AFAP1: variants seen among roughly 807,000 people sequenced by gnomAD.
AFAP1 encodes actin filament associated protein 1, also known as actin filament-associated protein 1.
AFAP1 carries 75 observed loss-of-function variants against 93.9 expected under a neutral mutation model. That is an observed-to-expected ratio of 0.80 (90% CI 0.66 to 0.97). The LOEUF (loss-of-function observed/expected upper bound fraction) is 0.97. AFAP1 is among the 50% of genes least tolerant of loss of function. The probability of loss-of-function intolerance (pLI) is 0.00; values close to 1 mark genes in which losing one functional copy is unlikely to be tolerated. For synonymous variants in AFAP1, 517 were observed against 430.7 expected (o/e 1.20, Z -2.48); for missense variants, 1,201 against 1,050.8 (o/e 1.14, Z -1.98).
chr4:7,807,444 T>C (rs1352663868), intron 9 of AFAP1, among the ~76,000 whole-genome samples: 1 of 152,198 alleles, frequency 6.6e-6, no homozygotes, highest in Non-Finnish European at 1.5e-5. Flanking sequence ...CTGTTTCCTC[T>C]GACAGCACTT....
intron 1 of AFAP1, among the ~76,000 whole-genome samples, chr4:7,881,117 C>T (rs1717816509): frequency 6.6e-6 from 1 of 152,170 alleles, no homozygotes; most frequent in South Asian, 2.1e-4. Flanking sequence ...CTCCCAGGAC[C>T]TAGACCCAGG....
chr4:7,769,431 C>G lies in AFAP1; in HGVS notation c.2254-423G>C, dbSNP rs550815824. 5.3e-5 allele frequency among the ~76,000 whole-genome samples: 8 copies of G among 152,366 alleles called. No individual in the cohort carries two copies. The South Asian group carries it at 1.7e-3, about 32-fold the overall frequency. On this transcript the variant is annotated intron_variant, in intron 16 of 17. Coordinates refer to ENST00000420658, the MANE Select transcript of AFAP1 (RefSeq NM_001134647.2). The stretch of plus-strand genomic sequence containing the variant: ...AGGTAGCAGAAAGTGGCGGCACTCA[C>G]GGCAGCACTGGCTAACGGGATGCAG...
chr4:7,903,605 G>C (rs535744577), intron 1 of AFAP1, among the ~76,000 whole-genome samples: 2 of 152,334 alleles, frequency 1.3e-5, no homozygotes, highest in South Asian at 4.1e-4. Context: ...CTTGAACCTG[G>C]GAGGTAGAGG....
At chr4:7,936,866 C>A (rs1212913019) in intron 1 of AFAP1, among the ~76,000 whole-genome samples, 1 of 152,160 alleles carries the variant, frequency 6.6e-6, no homozygotes, top group Non-Finnish European at 1.5e-5. Context: ...CAGGCGTGAG[C>A]CACCACACCT....
intron 5 of AFAP1, among the ~76,000 whole-genome samples, chr4:7,842,259 CA>C (rs1560192915): frequency 3.5e-5 from 1 of 28,170 alleles, no homozygotes; most frequent in African/African-American, 1.5e-4. Flanking sequence ...CTTAGTAAAA[CA>C]AAAAAAGATT....
intron 3 of AFAP1, among the ~76,000 whole-genome samples, chr4:7,864,741 T>A (rs928096520): frequency 2.6e-5 from 4 of 152,226 alleles, no homozygotes; most frequent in African/African-American, 9.6e-5. Flanking sequence ...AATTTGACCA[T>A]TACATAATAA....
chr4:7,893,084 C>T (rs535106461), intron 1 of AFAP1, among the ~76,000 whole-genome samples: 1 of 149,404 alleles, frequency 6.7e-6, no homozygotes, highest in South Asian at 2.1e-4. Context: ...TTACCAGCCC[C>T]GGTGCCGGGG....
chr4:7,895,336 G>A (rs756750143), intron 1 of AFAP1, among the ~76,000 whole-genome samples: 32 of 152,124 alleles, frequency 2.1e-4, no homozygotes, highest in Non-Finnish European at 4.0e-4. Flanking sequence ...TCCTTAGCTC[G>A]TAAGAAGTCT....
chr4:7,844,891 T>C (rs2149119646), intron 4 of AFAP1, among the ~76,000 whole-genome samples: 1 of 152,334 alleles, frequency 6.6e-6, no homozygotes, highest in East Asian at 1.9e-4. Context: ...ACTTAAGGGA[T>C]GAACACCTAA....
At chr4:7,885,023 G>A (rs1029721392) in intron 1 of AFAP1, among the ~76,000 whole-genome samples, 2 of 152,170 alleles carry the variant, frequency 1.3e-5, no homozygotes, top group African/African-American at 2.4e-5. Context: ...TTTGACAAAG[G>A]CAGGACGCTG....
intron 4 of AFAP1, among the ~76,000 whole-genome samples, chr4:7,846,710 G>A (rs1713745585): frequency 6.6e-6 from 1 of 152,120 alleles, no homozygotes; most frequent in Non-Finnish European, 1.5e-5. Flanking sequence ...TACACAGCAG[G>A]TGCTAGGATA....
chr4:7,897,371 C>G (rs902424721), intron 1 of AFAP1, among the ~76,000 whole-genome samples: 1 of 152,170 alleles, frequency 6.6e-6, no homozygotes, highest in African/African-American at 2.4e-5. Context: ...GAACACACAA[C>G]TACAGCTACA....
chr4:7,860,185 ATAAT>A (rs1226638219), intron 3 of AFAP1, among the ~76,000 whole-genome samples: 2 of 152,148 alleles, frequency 1.3e-5, no homozygotes, highest in East Asian at 3.8e-4. Context: ...AAATACAGTA[ATAAT>A]TATTATTGTT....
At position 7,879,538 on chromosome 4, in the gene AFAP1, G is replaced by C. The variant is rs116368160; in HGVS notation, c.-2-7458C>G. ...GAAGAAAAAATCTTCCCCAAACACC[G>C]ACACCAAACAAAAGATCTGACCACG... is the stretch of plus-strand genomic sequence containing the variant. On this transcript the variant is annotated intron_variant, in intron 1 of 17. Transcript: ENST00000420658. Among the ~76,000 whole-genome samples the C allele has an allele frequency of 6.4e-3, 972 of 152,086 alleles. 7 individuals are homozygous for C. The highest frequency in any genetic ancestry group is 0.021 in the African/African-American group (852 of 41,486).
chr4:7,792,508 G>A (rs994866159), intron 11 of AFAP1, among the ~76,000 whole-genome samples: 2 of 152,190 alleles, frequency 1.3e-5, no homozygotes, highest in Admixed American at 1.3e-4. Flanking sequence ...TGTTTGCCTA[G>A]AGATGATGGG....
Position 7,860,181 on chromosome 4 carries a change from A to T in AFAP1, c.226-4607T>A, listed in dbSNP as rs115316368. 5.9e-3 allele frequency among the ~76,000 whole-genome samples: 892 copies of T among 152,306 alleles called. 7 individuals carry two copies. Among genetic ancestry groups the T allele is most frequent in the African/African-American group, 0.019 (780 of 41,564 alleles). On this transcript the variant is annotated intron_variant, in intron 3 of 17. Coordinates refer to ENST00000420658, the MANE Select transcript of AFAP1 (RefSeq NM_001134647.2). ...TTGTAAAATGATATGTTATAAATAC[A>T]GTAATAATTATTATTGTTATTACTA...
In AFAP1 at chr4:7,761,639, CTT is replaced by C. The variant is rs1398335603; in HGVS notation, c.*2124_*2125del. On this transcript the variant is annotated 3_prime_UTR_variant, in exon 18 of 18. Transcript: ENST00000420658. ...AACCACCAAAACCTCACACAGTTCTCTTTGGCAAAGCAGGCTGCCAATCAGAG... is the reference window on the plus strand; with the variant it reads ...AACCACCAAAACCTCACACAGTTCTCTGGCAAAGCAGGCTGCCAATCAGAG... The C allele has an allele frequency of 6.6e-6, 1 of 152,318 alleles. No individual in the cohort carries two copies. Among genetic ancestry groups the C allele is most frequent in the Non-Finnish European group, 1.5e-5 (1 of 68,084 alleles). The allele number at this position is 152,318 out of a possible 1,614,324, so 9.4% of individuals were successfully genotyped here.
intron 6 of AFAP1, among the ~76,000 whole-genome samples, chr4:7,822,290 G>A (rs904012680): frequency 4.6e-5 from 7 of 152,016 alleles, no homozygotes; most frequent in African/African-American, 1.7e-4. Flanking sequence ...TCAATAACAC[G>A]CACAAAATAA....
At position 7,933,313 on chromosome 4, in the gene AFAP1, G is replaced by C. The variant is rs137919005; in HGVS notation, c.-3+6343C>G. Among the ~76,000 whole-genome samples, 20 of 152,240 alleles carry C rather than the reference G, an allele frequency of 1.3e-4. 1 individual carries two copies. The highest frequency in any genetic ancestry group is 4.3e-4 in the African/African-American group (18 of 41,536). ...GAACTGGCCGAGCACGGTGGCTCAC[G>C]CCTGTAATCACAGCACTTTGGGAGG... On this transcript the variant is annotated intron_variant, in intron 1 of 17. Coordinates refer to ENST00000420658, the MANE Select transcript of AFAP1 (RefSeq NM_001134647.2).
Sources: allele counts gnomAD v4.1 joint callset (sites outside exome capture counted in the v4.1 genomes callset), GRCh38; gene constraint gnomAD v4.1.1; transcripts MANE v1.5; gene names NCBI Gene and HGNC (gene_info 2026-07-23, HGNC 2026-07-21).